TEAD1: variants seen among roughly 807,000 people sequenced by gnomAD.
TEAD1 encodes the protein TEA domain transcription factor 1.
In TEAD1, 9 loss-of-function variants were observed where a neutral mutation model predicts 54.9. That is an observed-to-expected ratio of 0.16 (90% confidence interval 0.10 to 0.29). The LOEUF is 0.29. Among genes scored for constraint, TEAD1 ranks in the 10% least tolerant of loss-of-function variants. TEAD1 has a pLI of 1.00. For missense variants in TEAD1, 387 were observed against 535.9 expected (o/e 0.72, Z 2.74); for synonymous variants, 200 against 187.8 (o/e 1.07, Z -0.53).
chr11:12,694,651 G>A (rs1943540718), intron 2 of TEAD1, among the ~76,000 whole-genome samples: 1 of 152,162 alleles, frequency 6.6e-6, no homozygotes, highest in African/African-American at 2.4e-5. Context: ...CTGTTGCTTT[G>A]TGCTTTACTT....
intron 2 of TEAD1, among the ~76,000 whole-genome samples, chr11:12,738,883 G>A (rs1456914589): frequency 6.6e-6 from 1 of 152,140 alleles, no homozygotes; most frequent in African/African-American, 2.4e-5. Flanking sequence ...CAAGGTTGCT[G>A]CCTTCATGGA....
chr11:12,846,841 C>CT (rs1177081196), intron 3 of TEAD1, among the ~76,000 whole-genome samples: 1 of 152,206 alleles, frequency 6.6e-6, no homozygotes, highest in Non-Finnish European at 1.5e-5. Context: ...GTAAGAAGGG[C>CT]TTTAAGCTTT....
intron 2 of TEAD1, among the ~76,000 whole-genome samples, chr11:12,695,434 C>T (rs886631820): frequency 2.6e-5 from 4 of 152,044 alleles, no homozygotes; most frequent in African/African-American, 9.7e-5. Context: ...TTTATTTGTC[C>T]TTCATTGATC....
chr11:12,852,879 C>T (rs2134053587), intron 3 of TEAD1, among the ~76,000 whole-genome samples: 1 of 152,328 alleles, frequency 6.6e-6, no homozygotes, highest in East Asian at 1.9e-4. Context: ...GGTTCCCTGA[C>T]ACATGAAGTA....
rs569989569 is a variant in TEAD1, at chr11:12,904,603, A to G, written c.873+2490A>G. Among the ~76,000 whole-genome samples the G allele has an allele frequency of 4.6e-5, 7 of 152,322 alleles. No individual in the cohort carries two copies. The East Asian group carries it at 1.3e-3, about 29-fold the overall frequency. On this transcript the variant is annotated intron_variant, in intron 10 of 12. Transcript: ENST00000527636. ...CTGTTATCTGAGGAGTCTGTCACATAATGTAAAGCAGCACTACCTGTCTCA... is the reference window on the plus strand; with the variant it reads ...CTGTTATCTGAGGAGTCTGTCACATGATGTAAAGCAGCACTACCTGTCTCA...
At chr11:12,754,168 G>T (rs535328205) in intron 2 of TEAD1, among the ~76,000 whole-genome samples, 1 of 152,154 alleles carries the variant, frequency 6.6e-6, no homozygotes, top group African/African-American at 2.4e-5. Flanking sequence ...AGTTTAAGTC[G>T]TTCAGCTTTG....
chr11:12,854,482 G>A (rs1947333171), intron 3 of TEAD1, among the ~76,000 whole-genome samples: 2 of 152,194 alleles, frequency 1.3e-5, no homozygotes, highest in African/African-American at 2.4e-5. Context: ...CTGTGACCGA[G>A]AGGCGTAGGT....
chr11:12,786,759 C>T (rs1427368503), intron 3 of TEAD1, among the ~76,000 whole-genome samples: 2 of 151,346 alleles, frequency 1.3e-5, no homozygotes, highest in South Asian at 2.1e-4. Context: ...CTAGTGGGGG[C>T]GATAGACAAT....
intron 2 of TEAD1, among the ~76,000 whole-genome samples, chr11:12,754,875 T>G (rs996428708): frequency 6.6e-6 from 1 of 152,152 alleles, no homozygotes; most frequent in Non-Finnish European, 1.5e-5. Context: ...CTCAATAATT[T>G]AGGATAGATG....
rs142171737 is a variant in TEAD1 at position 12,931,506 on chromosome 11, T to C, written c.1167+1180T>C. Among the ~76,000 whole-genome samples, 147 of 152,346 alleles carry C rather than the reference T, an allele frequency of 9.6e-4. 1 individual carries two copies. The highest frequency in any genetic ancestry group is 3.3e-3 in the South Asian group (16 of 4,826). ...TTAAGAATCCATACAGCAGGAATTC[T>C]TTACTTGGTGTTTTTGGTTCCATTG... On this transcript the variant is annotated intron_variant, in intron 12 of 12. Transcript: ENST00000527636.
intron 2 of TEAD1, among the ~76,000 whole-genome samples, chr11:12,679,735 A>T (rs533808771): frequency 6.6e-6 from 1 of 152,230 alleles, no homozygotes; most frequent in Admixed American, 6.5e-5. Context: ...ATCTCAATTT[A>T]ACTTGAAAGG....
intron 5 of TEAD1, among the ~76,000 whole-genome samples, chr11:12,870,885 C>A (rs1311436136): frequency 6.6e-6 from 1 of 151,688 alleles, no homozygotes; most frequent in Admixed American, 6.6e-5. Context: ...GACTCTGTCT[C>A]CAAAAAAAAG....
chr11:12,795,923 T>A (rs967037126), intron 3 of TEAD1, among the ~76,000 whole-genome samples: 2 of 152,222 alleles, frequency 1.3e-5, no homozygotes, highest in Non-Finnish European at 2.9e-5. Flanking sequence ...CACTGACGTT[T>A]ATATTTTTTA....
intron 3 of TEAD1, among the ~76,000 whole-genome samples, chr11:12,811,677 C>T (rs1338453801): frequency 3.3e-5 from 5 of 152,074 alleles, no homozygotes; most frequent in Non-Finnish European, 5.9e-5. Context: ...CCCAGAAGTC[C>T]AGGGAATCAG....
intron 6 of TEAD1, 79 bp downstream of exon 6, chr11:12,879,921 C>T: frequency 1.3e-6 from 2 of 1,597,308 alleles, no homozygotes; most frequent in Non-Finnish European, 1.7e-6. Context: ...CTCCCACCTC[C>T]ATTTCTTGTC....
At chr11:12,689,399 A>T (rs1434524626) in intron 2 of TEAD1, among the ~76,000 whole-genome samples, 1 of 152,208 alleles carries the variant, frequency 6.6e-6, no homozygotes, top group Non-Finnish European at 1.5e-5. Context: ...TCCTTCACTT[A>T]TCTGTTTGAC....
At chr11:12,820,709 C>T (rs1385980389) in intron 3 of TEAD1, among the ~76,000 whole-genome samples, 1 of 151,530 alleles carries the variant, frequency 6.6e-6, no homozygotes, top group Non-Finnish European at 1.5e-5. Flanking sequence ...AGAAGGGAAC[C>T]CGGACAAAGA....
intron 2 of TEAD1, among the ~76,000 whole-genome samples, chr11:12,728,134 T>C (rs575859353): frequency 6.6e-6 from 1 of 152,122 alleles, no homozygotes; most frequent in Non-Finnish European, 1.5e-5. Context: ...CTGAGGACTG[T>C]GGGAGACCTG....
chr11:12,749,193 C>T (rs550490418), intron 2 of TEAD1, among the ~76,000 whole-genome samples: 1 of 152,012 alleles, frequency 6.6e-6, no homozygotes, highest in Non-Finnish European at 1.5e-5. Flanking sequence ...ACATCCCCTA[C>T]GTAGAGTCAC....
Sources: allele counts gnomAD v4.1 joint callset (sites outside exome capture counted in the v4.1 genomes callset), GRCh38; gene constraint gnomAD v4.1.1; transcripts MANE v1.5; gene names NCBI Gene and HGNC (gene_info 2026-07-23, HGNC 2026-07-21).